Variants in FLI1 observed in about 807,000 individuals in gnomAD.
FLI1 encodes the protein Fli-1 proto-oncogene, ETS transcription factor, also known as Friend leukemia integration 1 transcription factor.
In FLI1, 13 loss-of-function variants were observed where a neutral mutation model predicts 53.1. The observed-to-expected ratio is 0.24, with a 90% confidence interval of 0.16 to 0.39. The LOEUF is 0.39. FLI1 is among the 10% of genes least tolerant of loss of function. FLI1 has a pLI of 1.00. For synonymous variants in FLI1, 244 were observed against 236.7 expected, an observed-to-expected ratio of 1.03 and a Z score of -0.28; for missense variants, 424 against 600.5, an observed-to-expected ratio of 0.71 and a Z score of 3.07.
At chr11:128,794,470 G>A (rs765148703) in intron 5 of FLI1, among the ~76,000 whole-genome samples, 4 of 152,186 alleles carry the variant, frequency 2.6e-5, no homozygotes, top group Non-Finnish European at 5.9e-5. Context: ...TATCTGGAGA[G>A]AGAGAGAGAC....
chr11:128,774,146 G>A (rs1377816172), intron 4 of FLI1, among the ~76,000 whole-genome samples: 1 of 152,100 alleles, frequency 6.6e-6, no homozygotes, highest in Non-Finnish European at 1.5e-5. Context: ...TCCCTTCAGC[G>A]ACAGTGTTCC....
intron 8 of FLI1, among the ~76,000 whole-genome samples, chr11:128,809,868 G>A (rs1349146575): frequency 1.3e-5 from 2 of 152,094 alleles, no homozygotes; most frequent in East Asian, 3.9e-4. Context: ...CAGCCACCCA[G>A]CATATTCTGG....
At chr11:128,806,623 C>G (rs892213280) in intron 6 of FLI1, 3 of 152,216 alleles carry the variant, frequency 2.0e-5, no homozygotes, top group Non-Finnish European at 4.4e-5. Context: ...AATGAGGACA[C>G]CAGTCAGACT....
chr11:128,686,134 G>T, upstream of FLI1: 3 of 340,516 alleles, frequency 8.8e-6, no homozygotes, highest in South Asian at 6.6e-5. Flanking sequence ...AGAAAGGGTG[G>T]TGAGGAAGTC....
intron 1 of FLI1, among the ~76,000 whole-genome samples, chr11:128,687,536 C>A (rs190704443): frequency 1.5e-3 from 231 of 152,260 alleles, no homozygotes; most frequent in African/African-American, 4.3e-3. Context: ...GCTGCAAACA[C>A]CCGCATACTT....
At chr11:128,687,797 C>G (rs1937604777) in intron 1 of FLI1, among the ~76,000 whole-genome samples, 1 of 152,122 alleles carries the variant, frequency 6.6e-6, no homozygotes, top group African/African-American at 2.4e-5. Context: ...AGCAGTCACT[C>G]GTCATTTCAG....
chr11:128,797,851 G>A (rs1238702038), intron 5 of FLI1, among the ~76,000 whole-genome samples: 2 of 152,074 alleles, frequency 1.3e-5, no homozygotes, highest in African/African-American at 2.4e-5. Context: ...GGACACAAGC[G>A]TACAAAGAAT....
chr11:128,688,523 C>T (rs558828533), intron 1 of FLI1, among the ~76,000 whole-genome samples: 219 of 152,276 alleles, frequency 1.4e-3, no homozygotes, highest in African/African-American at 4.8e-3. Context: ...TGCCGTTGTC[C>T]GGCAGGCACC....
chr11:128,714,380 G>A (rs1028263249), intron 1 of FLI1, among the ~76,000 whole-genome samples: 2 of 152,098 alleles, frequency 1.3e-5, no homozygotes, highest in African/African-American at 2.4e-5. Flanking sequence ...ATTTTACCTC[G>A]AAGTGATGTT....
upstream of FLI1, among the ~76,000 whole-genome samples, chr11:128,689,950 G>A (rs2135676430): frequency 6.6e-6 from 1 of 152,246 alleles, no homozygotes; most frequent in Non-Finnish European, 1.5e-5. Flanking sequence ...CGGGCCAGGC[G>A]AGCAGAGGCT....
At chr11:128,691,340 T>C (rs562974994), upstream of FLI1, among the ~76,000 whole-genome samples, 10 of 152,264 alleles carry the variant, frequency 6.6e-5, 1 homozygote, top group African/African-American at 2.2e-4. Context: ...CATCAAACCC[T>C]GAGTTACATA....
At chr11:128,719,102 T>C (rs1343581758) in intron 1 of FLI1, among the ~76,000 whole-genome samples, 2 of 152,092 alleles carry the variant, frequency 1.3e-5, no homozygotes, top group Non-Finnish European at 2.9e-5. Flanking sequence ...TTACGGAGCT[T>C]TGGGACTCAC....
At chr11:128,771,908 A>G (rs1251056008) in intron 3 of FLI1, among the ~76,000 whole-genome samples, 2 of 152,174 alleles carry the variant, frequency 1.3e-5, no homozygotes, top group Non-Finnish European at 2.9e-5. Context: ...TATTGGACCC[A>G]CTAACCATTG....
At position 128,811,085 on chromosome 11, in the gene FLI1, C is replaced by G; in HGVS notation, c.*97C>G. On this transcript the variant is annotated 3_prime_UTR_variant, in exon 9 of 9. Coordinates refer to ENST00000527786, the MANE Select transcript of FLI1 (RefSeq NM_002017.5). The stretch of plus-strand genomic sequence containing the variant: ...GACATATGTGGCCTTGAAGGGAAGA[C>G]AAAACTGGATGTTCTTTCTTGTTGG... 8.9e-7 allele frequency: 1 copy of G among 1,124,056 alleles called. No individual in the cohort carries two copies. Among genetic ancestry groups the G allele is most frequent in the Admixed American group, 2.1e-5 (1 of 46,950 alleles). The allele number at this position is 1,124,056 out of a possible 1,614,324, so 69.6% of individuals were successfully genotyped here. A position where few individuals can be genotyped will look rare whatever the true frequency, so the allele number is the denominator to read the frequency against.
chr11:128,780,632 C>T (rs1051973395), intron 4 of FLI1, among the ~76,000 whole-genome samples: 4 of 152,216 alleles, frequency 2.6e-5, no homozygotes, highest in Non-Finnish European at 4.4e-5. Flanking sequence ...TCCTCATCGT[C>T]TGGCTTGGAT....
chr11:128,790,301 G>A (rs935029997), intron 5 of FLI1, among the ~76,000 whole-genome samples: 41 of 150,330 alleles, frequency 2.7e-4, no homozygotes, highest in Middle Eastern at 3.4e-3. Context: ...GAGAGACAGA[G>A]AGAGAGAGAG....
In FLI1 at chr11:128,757,085, T is replaced by C. The variant is rs529982840; in HGVS notation, c.19-1030T>C. On this transcript the variant is annotated intron_variant, in intron 1 of 8. Coordinates refer to ENST00000527786, the MANE Select transcript of FLI1 (RefSeq NM_002017.5). ...CTTTCTTTCTTTCTTTCTTTCTTTC[T>C]TTCTTTCTTTCTTTCTTTCTTTCTT... is the stretch of plus-strand genomic sequence containing the variant. Among the ~76,000 whole-genome samples the C allele has an allele frequency of 4.0e-5, 6 of 149,668 alleles. 1 individual carries two copies. In the South Asian group the frequency reaches 1.3e-3, roughly 32 times the overall value.
At chr11:128,741,009 G>T (rs11821740) in intron 1 of FLI1, among the ~76,000 whole-genome samples, 3,166 of 152,266 alleles carry the variant, frequency 0.021, 108 homozygotes, top group African/African-American at 0.071. Context: ...ACGTTGGCAC[G>T]CCAGCATCCC....
intron 1 of FLI1, among the ~76,000 whole-genome samples, chr11:128,737,514 A>G (rs530754763): frequency 1.3e-5 from 2 of 152,212 alleles, no homozygotes; most frequent in Admixed American, 1.3e-4. Flanking sequence ...CAAACCATGA[A>G]CTCATCTGTG....
Sources: allele counts gnomAD v4.1 joint callset (sites outside exome capture counted in the v4.1 genomes callset), GRCh38; gene constraint gnomAD v4.1.1; transcripts MANE v1.5; gene names NCBI Gene and HGNC (gene_info 2026-07-23, HGNC 2026-07-21).